Variants in ITGA9 observed in about 807,000 individuals in gnomAD.
ITGA9 encodes integrin subunit alpha 9.
Under a neutral mutation model 127.8 loss-of-function variants are expected in ITGA9, and 56 were observed. That is an observed-to-expected ratio of 0.44 (90% CI 0.35 to 0.55). ITGA9 has a LOEUF of 0.55. Among genes scored for constraint, ITGA9 ranks in the 20% least tolerant of loss-of-function variants. The pLI is 0.00. For missense variants in ITGA9, 1,196 were observed against 1,347.1 expected, an observed-to-expected ratio of 0.89 and a Z score of 1.76; for synonymous variants, 508 against 514.5, an observed-to-expected ratio of 0.99 and a Z score of 0.17.
intron 18 of ITGA9, among the ~76,000 whole-genome samples, chr3:37,697,058 A>G (rs528873862): frequency 8.5e-5 from 13 of 152,306 alleles, no homozygotes; most frequent in South Asian, 8.3e-4. Context: ...GAGATGAGAA[A>G]GTCACTCAGA....
chr3:37,459,648 A>G (rs1484387919), intron 1 of ITGA9, among the ~76,000 whole-genome samples: 2 of 152,332 alleles, frequency 1.3e-5, no homozygotes, highest in African/African-American at 4.8e-5. Flanking sequence ...ATGGAGGGGA[A>G]GCTGAGGTAC....
intron 15 of ITGA9, among the ~76,000 whole-genome samples, chr3:37,572,717 C>T (rs1016942533): frequency 6.6e-5 from 10 of 152,284 alleles, no homozygotes; most frequent in African/African-American, 2.2e-4. Context: ...CCTTAGTTTC[C>T]TACCTACTCA....
At chr3:37,765,943 C>T (rs184447909) in intron 23 of ITGA9, among the ~76,000 whole-genome samples, 4 of 152,282 alleles carry the variant, frequency 2.6e-5, no homozygotes, top group Admixed American at 6.5e-5. Context: ...AGTTGAATGC[C>T]GATGCGTAGG....
chr3:37,628,005 C>T (rs1559553101), intron 15 of ITGA9, among the ~76,000 whole-genome samples: 1 of 152,094 alleles, frequency 6.6e-6, no homozygotes, highest in Non-Finnish European at 1.5e-5. Context: ...CCTCCTGGGG[C>T]CTTTAGAACC....
chr3:37,822,919 A>G lies in ITGA9; in HGVS notation c.*3930A>G, dbSNP rs1697530960. ...TTTAGAGGTGCTGGAAAGGATTGTC[A>G]CTTGGAGCCTTTAGTAGACAAAAGG... is the stretch of plus-strand genomic sequence containing the variant. On this transcript the variant is annotated 3_prime_UTR_variant, in exon 28 of 28. Coordinates refer to ENST00000264741, the MANE Select transcript of ITGA9 (RefSeq NM_002207.3). 1 of 152,198 alleles carries G rather than the reference A, an allele frequency of 6.6e-6. No homozygotes were observed. The highest frequency in any genetic ancestry group is 2.4e-5 in the African/African-American group (1 of 41,464). 9.4% of individuals were successfully genotyped at this position (152,198 alleles called of 1,614,324 possible). A position where few individuals can be genotyped will look rare whatever the true frequency, so the allele number is the denominator to read the frequency against.
chr3:37,578,728 C>T (rs1288038418), intron 15 of ITGA9, among the ~76,000 whole-genome samples: 4 of 152,036 alleles, frequency 2.6e-5, no homozygotes, highest in African/African-American at 9.7e-5. Context: ...AATCTGCCTC[C>T]CATAAGTCAT....
intron 16 of ITGA9, among the ~76,000 whole-genome samples, chr3:37,644,980 TA>T (rs1700363745): frequency 6.6e-6 from 1 of 152,186 alleles, no homozygotes; most frequent in Non-Finnish European, 1.5e-5. Context: ...TGCACTCTTA[TA>T]ACGTGCCACA....
chr3:37,789,622 A>ATTT (rs1697083071), intron 26 of ITGA9, among the ~76,000 whole-genome samples: 1 of 146,308 alleles, frequency 6.8e-6, no homozygotes, highest in Non-Finnish European at 1.5e-5. Flanking sequence ...AAAAAAAATG[A>ATTT]GCTGGGTGTG....
At chr3:37,481,444 G>C (rs1698553839) in intron 3 of ITGA9, 40 bp from the exon 4 acceptor site, 1 of 1,613,740 alleles carries the variant, frequency 6.2e-7, no homozygotes. Context: ...GATCTTTTGG[G>C]GCCAACTTTC....
At position 37,799,637 on chromosome 3, in the gene ITGA9, T is replaced by C. The variant is rs76573724; in HGVS notation, c.2890-4186T>C. On this transcript the variant is annotated intron_variant, in intron 26 of 27. Coordinates refer to ENST00000264741, the MANE Select transcript of ITGA9 (RefSeq NM_002207.3). The surrounding 1 kb of genome is among the most constrained non-coding windows in gnomAD (Gnocchi z 4.0). ...AGATGCTCAGCCTAAAGGAAAGTCATGGATACTGTAAACCGAGAAGTGACA... is the reference window on the plus strand; with the variant it reads ...AGATGCTCAGCCTAAAGGAAAGTCACGGATACTGTAAACCGAGAAGTGACA... Among the ~76,000 whole-genome samples the C allele has an allele frequency of 4.0e-4, 61 of 152,284 alleles. 4 individuals carry two copies. The East Asian group carries it at 0.012, about 29-fold the overall frequency.
Position 37,806,076 on chromosome 3 carries a change from T to A in ITGA9, c.3009+2134T>A, listed in dbSNP as rs1234696574. The A allele has an allele frequency of 6.6e-6, 1 of 152,240 alleles. No homozygotes were observed. Among genetic ancestry groups the A allele is most frequent in the Admixed American group, 6.5e-5 (1 of 15,282 alleles). The allele number at this position is 152,240 out of a possible 1,614,324, so 9.4% of individuals were successfully genotyped here. ...ATGTCTGTTTGCCAATAGTGGATGT[T>A]ACCTTTTAAAAACAATCTGCCAATT... On this transcript the variant is annotated intron_variant, in intron 27 of 27. Transcript: ENST00000264741. The surrounding 1 kb of genome is among the most constrained non-coding windows in gnomAD (Gnocchi z 4.3).
At chr3:37,601,653 TG>T (rs1699923570) in intron 15 of ITGA9, among the ~76,000 whole-genome samples, 1 of 152,206 alleles carries the variant, frequency 6.6e-6, no homozygotes, top group Non-Finnish European at 1.5e-5. Context: ...CTCATCAACA[TG>T]AGCAGTATTA....
chr3:37,464,207 G>C (rs1698346709), intron 1 of ITGA9, among the ~76,000 whole-genome samples: 1 of 149,956 alleles, frequency 6.7e-6, no homozygotes, highest in South Asian at 2.1e-4. Flanking sequence ...TTTTGTGCTA[G>C]TTCTTGTTAT....
intron 22 of ITGA9, among the ~76,000 whole-genome samples, chr3:37,747,251 T>C (rs1696512338): frequency 6.6e-6 from 1 of 152,180 alleles, no homozygotes; most frequent in Non-Finnish European, 1.5e-5. Context: ...ATTTTTAAAT[T>C]TTTTTCATTT....
intron 17 of ITGA9, among the ~76,000 whole-genome samples, chr3:37,654,778 T>C (rs1700461914): frequency 6.6e-6 from 1 of 152,132 alleles, no homozygotes; most frequent in Non-Finnish European, 1.5e-5. Flanking sequence ...CATGCCATGG[T>C]GGTTTGCTGC....
intron 3 of ITGA9, among the ~76,000 whole-genome samples, chr3:37,475,140 C>A (rs1698480071): frequency 6.6e-6 from 1 of 152,242 alleles, no homozygotes; most frequent in South Asian, 2.1e-4. Context: ...TTCCTCCAGG[C>A]ATGGTGGCCT....
intron 26 of ITGA9, among the ~76,000 whole-genome samples, chr3:37,792,405 C>T (rs528641963): frequency 6.6e-6 from 1 of 152,254 alleles, no homozygotes; most frequent in African/African-American, 2.4e-5. Context: ...AGGGAGTAGC[C>T]TGCTTTAGAT....
At chr3:37,621,762 G>C (rs1424536154) in intron 15 of ITGA9, among the ~76,000 whole-genome samples, 1 of 152,080 alleles carries the variant, frequency 6.6e-6, no homozygotes, top group African/African-American at 2.4e-5. Context: ...CTTGCCAAAG[G>C]GTTATACATT....
At chr3:37,604,537 A>C (rs1241445076) in intron 15 of ITGA9, among the ~76,000 whole-genome samples, 1 of 152,208 alleles carries the variant, frequency 6.6e-6, no homozygotes, top group African/African-American at 2.4e-5. Context: ...ATTTAGGAAA[A>C]CCTTACAGAA....
Sources: gnomAD v4.1 joint callset for allele counts (sites outside exome capture counted in the v4.1 genomes callset) on GRCh38, gnomAD v4.1.1 for gene constraint, Gnocchi (gnomAD v3.1) non-coding constraint, MANE v1.5 for transcripts, NCBI Gene and HGNC (gene_info 2026-07-23, HGNC 2026-07-21) for gene names.